PLOD2: variants seen among roughly 807,000 people sequenced by gnomAD.
The protein encoded by PLOD2 is procollagen-lysine,2-oxoglutarate 5-dioxygenase 2.
Under a neutral mutation model 101.0 loss-of-function variants are expected in PLOD2, and 65 were observed. The ratio of observed to expected loss-of-function variants is 0.64; its 90% CI spans 0.53 to 0.79. The LOEUF (loss-of-function observed/expected upper bound fraction) is 0.79, where lower values mean the gene tolerates loss of function less well. Among genes scored for constraint, PLOD2 ranks in the 30% least tolerant of loss-of-function variants. The pLI is 0.00. For missense variants in PLOD2, 909 were observed against 914.6 expected (o/e 0.99, Z 0.08); for synonymous variants, 314 against 302.9 (o/e 1.04, Z -0.38).
intron 8 of PLOD2, among the ~76,000 whole-genome samples, chr3:146,090,360 TTTA>T (rs1936934314): frequency 6.6e-6 from 1 of 151,634 alleles, no homozygotes; most frequent in South Asian, 2.1e-4. Flanking sequence ...TCTATCACAT[TTTA>T]ACAAGCTGTA....
intron 7 of PLOD2, among the ~76,000 whole-genome samples, chr3:146,101,572 T>C (rs370809233): frequency 8.7e-4 from 132 of 152,276 alleles, no homozygotes; most frequent in African/African-American, 3.0e-3. Flanking sequence ...GATTTCACAA[T>C]GGACCTTAAC....
At chr3:146,160,749 C>T (rs1252805320) in intron 1 of PLOD2, 132 bp downstream of exon 1, 4 of 643,344 alleles carry the variant, frequency 6.2e-6, no homozygotes, top group African/African-American at 3.6e-5. Flanking sequence ...GGGAAGACCC[C>T]GGCGGTCCTG....
At chr3:146,127,015 C>T (rs2030607530) in intron 1 of PLOD2, among the ~76,000 whole-genome samples, 1 of 152,128 alleles carries the variant, frequency 6.6e-6, no homozygotes. Flanking sequence ...ATTTTTCCAT[C>T]TATTCATTCA....
intron 11 of PLOD2, among the ~76,000 whole-genome samples, chr3:146,084,317 T>G (rs1378329243): frequency 6.6e-6 from 1 of 151,940 alleles, no homozygotes; most frequent in Non-Finnish European, 1.5e-5. Context: ...TACAGAGAGG[T>G]CTTAGATTTT....
intron 1 of PLOD2, among the ~76,000 whole-genome samples, chr3:146,159,984 G>C (rs1451080071): frequency 6.6e-6 from 1 of 152,126 alleles, no homozygotes; most frequent in Admixed American, 6.5e-5. Flanking sequence ...AAGTAGAAAA[G>C]CACTCTATTA....
intron 9 of PLOD2, among the ~76,000 whole-genome samples, chr3:146,088,353 T>C (rs1429644056): frequency 2.0e-5 from 3 of 151,642 alleles, no homozygotes; most frequent in Non-Finnish European, 4.4e-5. Context: ...ATGGCTAATA[T>C]TCAGCCATTT....
chr3:146,124,405 T>A (rs1467917843), intron 1 of PLOD2, among the ~76,000 whole-genome samples, 176 bp from the exon 2 acceptor site: 3 of 152,142 alleles, frequency 2.0e-5, no homozygotes, highest in Non-Finnish European at 2.9e-5. Flanking sequence ...TTGGTTGTAT[T>A]ACTGCCAAAT....
chr3:146,084,072 A>G (rs1480923381), intron 11 of PLOD2, among the ~76,000 whole-genome samples: 1 of 151,814 alleles, frequency 6.6e-6, no homozygotes, highest in Non-Finnish European at 1.5e-5. Flanking sequence ...TTTCAATCAA[A>G]TTAAGAGAAA....
In PLOD2 at chr3:146,086,841, T is replaced by G. The variant is rs747224097; in HGVS notation, c.1073A>C (p.Lys358Thr). Residue 358 changes from lysine to threonine, a missense_variant, in exon 10 of 20, where the codon AAA becomes ACA. Lys to Thr is a moderately conservative substitution (Grantham distance 78). Coordinates refer to ENST00000282903, the MANE Select transcript of PLOD2 (RefSeq NM_182943.3). Reference sequence around the variant, plus strand: ...TAGATTTTCTTCTGGTCCTACTATTTTTATAGTTTTGATTTCATGCTTAGC... The same window carrying G: ...TAGATTTTCTTCTGGTCCTACTATTGTTATAGTTTTGATTTCATGCTTAGC... ...DKAKHEIKTI[K>T]IVGPEENLSQ... 6.5e-7 allele frequency: 1 copy of G among 1,538,178 alleles called. No individual in the cohort carries two copies. The highest frequency in any genetic ancestry group is 1.2e-5 in the South Asian group (1 of 82,722).
At chr3:146,094,714 A>T (rs566433005) in intron 7 of PLOD2, among the ~76,000 whole-genome samples, 1 of 152,332 alleles carries the variant, frequency 6.6e-6, no homozygotes, top group East Asian at 1.9e-4. Context: ...AAACTAGAAA[A>T]AACTACTTTA....
At chr3:146,089,190 C>T (rs548363326) in intron 8 of PLOD2, among the ~76,000 whole-genome samples, 1 of 151,426 alleles carries the variant, frequency 6.6e-6, no homozygotes, top group African/African-American at 2.4e-5. Flanking sequence ...CTTTTATTTC[C>T]TTTCATTATT....
intron 17 of PLOD2, among the ~76,000 whole-genome samples, chr3:146,072,146 CTATCT>C (rs1936165449): frequency 6.6e-6 from 1 of 151,744 alleles, no homozygotes; most frequent in Non-Finnish European, 1.5e-5. Flanking sequence ...TCCCTCCTTC[CTATCT>C]TTACACACAA....
Position 146,161,178 on chromosome 3 carries a change from G to A in PLOD2, c.-189C>T, listed in dbSNP as rs1232511352. Reference sequence around the variant, plus strand: ...GAGTGAGGTCGTCGGTGGAGGCACGGAGCAGCAGGCGCCCGGGGCGCTGCG... The same window carrying A: ...GAGTGAGGTCGTCGGTGGAGGCACGAAGCAGCAGGCGCCCGGGGCGCTGCG... On this transcript the variant is annotated 5_prime_UTR_variant, in exon 1 of 20. Coordinates refer to ENST00000282903, the MANE Select transcript of PLOD2 (RefSeq NM_182943.3). 4 of 377,656 alleles carry A rather than the reference G, an allele frequency of 1.1e-5. No homozygotes were observed. The highest frequency in any genetic ancestry group is 6.4e-5 in the African/African-American group (3 of 46,708). 23.4% of individuals were successfully genotyped at this position (377,656 alleles called of 1,614,324 possible).
rs1283679468 is a variant in PLOD2 at position 146,153,791 on chromosome 3, T to C, written c.109+7090A>G. The stretch of plus-strand genomic sequence containing the variant: ...ATAAAAATTATGTGTACTTGAAAAT[T>C]CCTTTGTTCCATAAAGAATTTTTAC... On this transcript the variant is annotated intron_variant, in intron 1 of 19. Transcript: ENST00000282903. Among the ~76,000 whole-genome samples, 24 of 148,800 alleles carry C rather than the reference T, an allele frequency of 1.6e-4. 1 individual carries two copies. Among genetic ancestry groups the C allele is most frequent in the Non-Finnish European group, 3.4e-4 (23 of 67,370 alleles).
intron 1 of PLOD2, among the ~76,000 whole-genome samples, chr3:146,125,096 A>T (rs1576614143): frequency 6.9e-6 from 1 of 145,350 alleles, no homozygotes; most frequent in Admixed American, 6.8e-5. Flanking sequence ...ATTTTTTTTT[A>T]ACTGAAGATT....
At chr3:146,088,149 G>A (rs1936848350) in intron 9 of PLOD2, among the ~76,000 whole-genome samples, 1 of 151,580 alleles carries the variant, frequency 6.6e-6, no homozygotes, top group Non-Finnish European at 1.5e-5. Context: ...TTGGGGAATG[G>A]CATGCCCTTG....
At chr3:146,131,051 G>C (rs1421184072) in intron 1 of PLOD2, among the ~76,000 whole-genome samples, 1 of 152,162 alleles carries the variant, frequency 6.6e-6, no homozygotes, top group African/African-American at 2.4e-5. Flanking sequence ...TTTTGGTACA[G>C]AGGCTGCCTA....
chr3:146,148,366 A>G (rs2108136487), intron 1 of PLOD2, among the ~76,000 whole-genome samples: 1 of 151,836 alleles, frequency 6.6e-6, no homozygotes, highest in African/African-American at 2.4e-5. Context: ...ACACACACAC[A>G]CACTTTTCAC....
intron 1 of PLOD2, among the ~76,000 whole-genome samples, chr3:146,131,767 CT>C (rs1481647924): frequency 1.3e-5 from 2 of 152,118 alleles, no homozygotes; most frequent in African/African-American, 4.8e-5. Flanking sequence ...AATTTTGTTG[CT>C]TTGTTAAGTA....
Sources: gnomAD v4.1 joint callset for allele counts (sites outside exome capture counted in the v4.1 genomes callset) on GRCh38, gnomAD v4.1.1 for gene constraint, MANE v1.5 for transcripts, NCBI Gene and HGNC (gene_info 2026-07-23, HGNC 2026-07-21) for gene names.